Variants in SEMA6B observed in about 807,000 individuals in gnomAD.
The protein encoded by SEMA6B is semaphorin-6B.
In SEMA6B, 47 loss-of-function variants were observed where a neutral mutation model predicts 78.6. That is an observed-to-expected ratio of 0.60 (90% CI 0.47 to 0.76). SEMA6B has a LOEUF of 0.76. SEMA6B is among the 30% of genes least tolerant of loss of function. The pLI, the probability that SEMA6B is intolerant of heterozygous loss-of-function variation, is 0.00. For missense variants in SEMA6B, 1,213 were observed against 1,269.9 expected (o/e 0.96, Z 0.68); for synonymous variants, 632 against 592.2 (o/e 1.07, Z -0.98).
intron 16 of SEMA6B, among the ~76,000 whole-genome samples, chr19:4,545,480 G>A (rs914189545): frequency 9.9e-5 from 15 of 152,124 alleles, no homozygotes; most frequent in African/African-American, 3.6e-4. Context: ...TGGAACTACA[G>A]GCATGCACTG....
chr19:4,551,133 G>A (rs541628291), intron 10 of SEMA6B, among the ~76,000 whole-genome samples: 18 of 152,008 alleles, frequency 1.2e-4, no homozygotes, highest in African/African-American at 3.4e-4. Flanking sequence ...CAGGGTCTAC[G>A]AGGCCACCCC....
In SEMA6B at chr19:4,542,906, G is replaced by T. The variant is rs553439373; in HGVS notation, c.*695C>A. 1 of 701,074 alleles carries T rather than the reference G, an allele frequency of 1.4e-6. No individual in the cohort carries two copies. Among genetic ancestry groups the T allele is most frequent in the African/African-American group, 1.8e-5 (1 of 57,086 alleles). The allele number at this position is 701,074 out of a possible 1,614,324, so 43.4% of individuals were successfully genotyped here. ...TGTCCCCGCTTCCCTCTGCAGAGTG[G>T]GGGGGGTTCAAACTCCTAACCGGCA... On this transcript the variant is annotated 3_prime_UTR_variant, in exon 17 of 17. Transcript: ENST00000586582.
chr19:4,546,464 C>G lies in SEMA6B; in HGVS notation c.1607G>C (p.Cys536Ser). ...GCAGTAGGGGTCCTGACTGCCGATACAGTTCCTAGAGCAGACCAGGGACCG... is the reference window on the plus strand; with the variant it reads ...GCAGTAGGGGTCCTGACTGCCGATAGAGTTCCTAGAGCAGACCAGGGACCG... ...CQQYSGCMKN[C>S]IGSQDPYCGW... Residue 536 changes from cysteine to serine, a missense_variant, in exon 15 of 17, where the codon TGT (cysteine) becomes TCT (serine). Coordinates refer to ENST00000586582, the MANE Select transcript of SEMA6B (RefSeq NM_032108.4). The G allele has an allele frequency of 6.4e-7, 1 of 1,562,928 alleles. No individual in the cohort carries two copies. The highest frequency in any genetic ancestry group is 8.7e-7 in the Non-Finnish European group (1 of 1,153,036).
chr19:4,555,533 A>T lies in SEMA6B; in HGVS notation c.503T>A (p.Ile168Asn). The change falls in exon 7 of 17, where the codon ATC (isoleucine) becomes AAC (asparagine). Residue 168 changes from isoleucine (I) to asparagine (N), a missense_variant. Transcript: ENST00000586582. This position sits in a 1 kb window ranked among gnomAD's most constrained non-coding sequence, Gnocchi z 6.1. ...IDTLQPVGDN[I>N]SGMARCPYDP... Reference sequence around the variant, plus strand: ...GTACGGGCAGCGGGCCATACCGCTGATGTTGTCTCCGACGGGCTGCAGGGT... The same window carrying T: ...GTACGGGCAGCGGGCCATACCGCTGTTGTTGTCTCCGACGGGCTGCAGGGT... 1 of 1,613,576 alleles carries T rather than the reference A, an allele frequency of 6.2e-7. No homozygotes were observed. Among genetic ancestry groups the T allele is most frequent in the East Asian group, 2.2e-5 (1 of 44,854 alleles).
At position 4,550,437 on chromosome 19, in the gene SEMA6B, C is replaced by T. The variant is rs534495020; in HGVS notation, c.1122-165G>A. ...TCGCCCAGGCTGGAGTGCTTTGGCT[C>T]ACTGCAACCTCCACCTCCTGGGTTC... On this transcript the variant is annotated intron_variant, in intron 11 of 16. Coordinates refer to ENST00000586582, the MANE Select transcript of SEMA6B (RefSeq NM_032108.4). This position sits in a 1 kb window ranked among gnomAD's most constrained non-coding sequence, Gnocchi z 6.6. Among the ~76,000 whole-genome samples the T allele has an allele frequency of 2.0e-5, 3 of 152,140 alleles. No homozygotes were observed. Among genetic ancestry groups the T allele is most frequent in the South Asian group, 2.1e-4 (1 of 4,820 alleles).
rs1373901204 is a variant in SEMA6B at position 4,543,190 on chromosome 19, G to C, written c.*411C>G. On this transcript the variant is annotated 3_prime_UTR_variant, in exon 17 of 17. Transcript: ENST00000586582. Reference sequence around the variant, plus strand: ...GTTGGGGAGGGACCTTTCCAGGGGTGGGGGAGGGCTTAGGTCTGCAGCTGT... The same window carrying C: ...GTTGGGGAGGGACCTTTCCAGGGGTCGGGGAGGGCTTAGGTCTGCAGCTGT... 8.5e-6 allele frequency: 5 copies of C among 589,370 alleles called. No individual in the cohort carries two copies. Among genetic ancestry groups the C allele is most frequent in the Non-Finnish European group, 1.2e-5 (4 of 329,950 alleles). 36.5% of individuals were successfully genotyped at this position (589,370 alleles called of 1,614,324 possible). A position where few individuals can be genotyped will look rare whatever the true frequency, so the allele number is the denominator to read the frequency against.
At position 4,559,592 on chromosome 19, in the gene SEMA6B, TG is replaced by T. The variant is rs1205126254; in HGVS notation, c.-96del. ...GAGAAGTTCAGCAGCCTCGTCCTTC[TG>T]GGAAGTATTGGGCAAGCTCCGAGCC... On this transcript the variant is annotated 5_prime_UTR_variant, in exon 1 of 17. It removes the in-frame stop codon of an upstream open reading frame in the 5' UTR. Coordinates refer to ENST00000586582, the MANE Select transcript of SEMA6B (RefSeq NM_032108.4). 6.6e-6 allele frequency: 1 copy of T among 152,262 alleles called. No individual in the cohort carries two copies. Among genetic ancestry groups the T allele is most frequent in the Non-Finnish European group, 1.5e-5 (1 of 68,098 alleles). 9.4% of individuals were successfully genotyped at this position (152,262 alleles called of 1,614,324 possible). A position where few individuals can be genotyped will look rare whatever the true frequency, so the allele number is the denominator to read the frequency against.
intron 12 of SEMA6B, among the ~76,000 whole-genome samples, chr19:4,549,297 CTCTTTTTTTT>C (rs2054322694): frequency 8.9e-6 from 1 of 112,598 alleles, no homozygotes; most frequent in African/African-American, 4.0e-5. Context: ...GTCTGTCTAC[CTCTTTTTTTT>C]TTTTTTTTTT....
chr19:4,557,294 C>A, intron 3 of SEMA6B, 71 bp from the exon 4 acceptor site: 1 of 1,140,868 alleles, frequency 8.8e-7, no homozygotes, highest in Non-Finnish European at 1.3e-6. Flanking sequence ...TTCCCACTGC[C>A]AATGTGGTGT....
Position 4,543,822 on chromosome 19 carries a change from C to T in SEMA6B, c.2446G>A (p.Gly816Ser). 8.2e-7 allele frequency: 1 copy of T among 1,215,268 alleles called. No homozygotes were observed. The highest frequency in any genetic ancestry group is 1.0e-6 in the Non-Finnish European group (1 of 977,648). 75.3% of individuals were successfully genotyped at this position (1,215,268 alleles called of 1,614,324 possible). The change falls in exon 17 of 17, where the codon GGC (glycine) becomes AGC (serine). Residue 816 changes from glycine to serine, a missense_variant. Coordinates refer to ENST00000586582, the MANE Select transcript of SEMA6B (RefSeq NM_032108.4). Reference sequence around the variant, plus strand: ...GGCGGGCTCCAGGGCCGCGGGAGGCCATCGGCGGCTGAGGCTGGGTCCAAG... The same window carrying T: ...GGCGGGCTCCAGGGCCGCGGGAGGCTATCGGCGGCTGAGGCTGGGTCCAAG... ...GPLDPASAAD[G>S]LPRPWSPPPT...
intron 10 of SEMA6B, among the ~76,000 whole-genome samples, chr19:4,551,394 A>AT (rs1412116428): frequency 6.6e-6 from 1 of 151,332 alleles, no homozygotes; most frequent in Non-Finnish European, 1.5e-5. Context: ...TAATTTTTGT[A>AT]TTTTTAGTAG....
chr19:4,558,521 T>C lies in SEMA6B; in HGVS notation c.-32-32A>G. 8.1e-7 allele frequency: 1 copy of C among 1,228,594 alleles called. No homozygotes were observed. Among genetic ancestry groups the C allele is most frequent in the South Asian group, 4.0e-5 (1 of 24,848 alleles). 76.1% of individuals were successfully genotyped at this position (1,228,594 alleles called of 1,614,324 possible). A position where few individuals can be genotyped will look rare whatever the true frequency, so the allele number is the denominator to read the frequency against. On this transcript the variant is annotated intron_variant, in intron 1 of 16. Transcript: ENST00000586582. This position sits in a 1 kb window ranked among gnomAD's most constrained non-coding sequence, Gnocchi z 5.1. Reference sequence around the variant, plus strand: ...GCAAGGGGCGGCGAGGTGAGCGGCCTGCAGTCCCGCTCGTGGCCACAAGAC... The same window carrying C: ...GCAAGGGGCGGCGAGGTGAGCGGCCCGCAGTCCCGCTCGTGGCCACAAGAC...
At chr19:4,548,845 GT>G (rs1049471582) in intron 12 of SEMA6B, among the ~76,000 whole-genome samples, 1 of 151,812 alleles carries the variant, frequency 6.6e-6, no homozygotes, top group South Asian at 2.1e-4. Context: ...TTTATGTTTT[GT>G]TTTTTTTGAG....
intron 9 of SEMA6B, among the ~76,000 whole-genome samples, chr19:4,553,846 TGATGGATAGATG>T (rs957904084): frequency 4.0e-5 from 6 of 149,638 alleles, no homozygotes; most frequent in Admixed American, 1.3e-4. Context: ...GATGGACAGA[TGATGGATAGATG>T]GATGGATAGG....
rs1391133472 is a variant in SEMA6B, at chr19:4,558,233, G to A, written c.122-84C>T. On this transcript the variant is annotated intron_variant, in intron 2 of 16. Coordinates refer to ENST00000586582, the MANE Select transcript of SEMA6B (RefSeq NM_032108.4). The surrounding 1 kb of genome is among the most constrained non-coding windows in gnomAD (Gnocchi z 5.1). ...TGAGGTCATGCCCCTTCTAGGGGTG[G>A]CTCCTGGACTGCTTGAGTCCCCCAG... is the stretch of plus-strand genomic sequence containing the variant. 1.5e-6 allele frequency: 2 copies of A among 1,314,160 alleles called. No individual in the cohort carries two copies. The highest frequency in any genetic ancestry group is 2.0e-6 in the Non-Finnish European group (2 of 1,021,212). The allele number at this position is 1,314,160 out of a possible 1,614,324, so 81.4% of individuals were successfully genotyped here. A position where few individuals can be genotyped will look rare whatever the true frequency, so the allele number is the denominator to read the frequency against.
At position 4,544,906 on chromosome 19, in the gene SEMA6B, A is replaced by ACAGGCATAAG. The variant is rs910009469; in HGVS notation, c.1739-387_1739-378dup. Reference sequence around the variant, plus strand: ...CTCTGCCTCCCAAAGTGCTGGGATTACAGGCATAAGCCACCACGACTGGCC... The same window carrying ACAGGCATAAG: ...CTCTGCCTCCCAAAGTGCTGGGATTACAGGCATAAGCAGGCATAAGCCACCACGACTGGCC... On this transcript the variant is annotated intron_variant, in intron 16 of 16. Transcript: ENST00000586582. The surrounding 1 kb of genome is among the most constrained non-coding windows in gnomAD (Gnocchi z 5.1). Among the ~76,000 whole-genome samples, 2 of 149,890 alleles carry ACAGGCATAAG rather than the reference A, an allele frequency of 1.3e-5. No homozygotes were observed. Among genetic ancestry groups the ACAGGCATAAG allele is most frequent in the African/African-American group, 4.8e-5 (2 of 41,308 alleles).
intron 4 of SEMA6B, 66 bp downstream of exon 4, chr19:4,557,097 C>G (rs1977493595): frequency 1.3e-6 from 2 of 1,591,700 alleles, no homozygotes; most frequent in Non-Finnish European, 1.7e-6. Context: ...ATCCACCCAG[C>G]TCCCCGGCGC....
At chr19:4,549,151 G>A (rs565178500) in intron 12 of SEMA6B, among the ~76,000 whole-genome samples, 80 of 151,984 alleles carry the variant, frequency 5.3e-4, no homozygotes, top group Non-Finnish European at 8.4e-4. Context: ...ATGTATGTGT[G>A]TCTGTGTATC....
rs529465789 is a variant in SEMA6B at position 4,558,308 on chromosome 19, C to G, written c.121+29G>C. On this transcript the variant is annotated intron_variant, in intron 2 of 16. Transcript: ENST00000586582. This position sits in a 1 kb window ranked among gnomAD's most constrained non-coding sequence, Gnocchi z 5.1. ...ACCCAGATACTCCCACGGGACTCCA[C>G]CCCCGCCCAAAGACACCCCCAGACT... 14 of 1,314,770 alleles carry G rather than the reference C, an allele frequency of 1.1e-5. 2 individuals carry two copies. The South Asian group carries it at 3.7e-4, about 35-fold the overall frequency. The allele number at this position is 1,314,770 out of a possible 1,614,324, so 81.4% of individuals were successfully genotyped here. A position where few individuals can be genotyped will look rare whatever the true frequency, so the allele number is the denominator to read the frequency against.
Sources: gnomAD v4.1 joint callset for allele counts (sites outside exome capture counted in the v4.1 genomes callset) on GRCh38, gnomAD v4.1.1 for gene constraint, Gnocchi (gnomAD v3.1) non-coding constraint, MANE v1.5 for transcripts, NCBI Gene and HGNC (gene_info 2026-07-23, HGNC 2026-07-21) for gene names.